ZFHX3: variants seen among roughly 807,000 people sequenced by gnomAD.
ZFHX3 encodes the protein zinc finger homeobox 3.
A neutral mutation model predicts 279.1 loss-of-function variants in ZFHX3; 42 were observed. The ratio of observed to expected loss-of-function variants is 0.15; its 90% CI spans 0.12 to 0.19. ZFHX3 has a LOEUF of 0.19. Among genes scored for constraint, ZFHX3 ranks in the 10% least tolerant of loss-of-function variants. The pLI, the probability that ZFHX3 is intolerant of heterozygous loss-of-function variation, is 1.00. For synonymous variants in ZFHX3, 2,293 were observed against 1,957.8 expected, an observed-to-expected ratio of 1.17 and a Z score of -4.52; for missense variants, 4,981 against 4,754.0, an observed-to-expected ratio of 1.05 and a Z score of -1.40.
intron 4 of ZFHX3, among the ~76,000 whole-genome samples, chr16:72,831,877 T>G (rs2037069376): frequency 6.6e-6 from 1 of 152,204 alleles, no homozygotes. Context: ...ATTGGAACAC[T>G]AAGCTTGTAG....
At chr16:72,842,020 G>A (rs2037356198) in intron 4 of ZFHX3, among the ~76,000 whole-genome samples, 2 of 152,082 alleles carry the variant, frequency 1.3e-5, no homozygotes, top group Admixed American at 1.3e-4. Flanking sequence ...ACAAAGAGTT[G>A]GTACTTGACA....
chr16:73,149,194 T>C (rs11861144), intron 5 of ZFHX3, among the ~76,000 whole-genome samples: 6,105 of 147,902 alleles, frequency 0.041, 395 homozygotes, highest in African/African-American at 0.14. Flanking sequence ...TATTTTACTT[T>C]ATATTATATT....
intron 7 of ZFHX3, among the ~76,000 whole-genome samples, chr16:73,107,555 G>T (rs1238426928): frequency 6.6e-6 from 1 of 152,160 alleles, no homozygotes; most frequent in African/African-American, 2.4e-5. Context: ...ACCCAACAAG[G>T]TTGAGAATTC....
intron 1 of ZFHX3, among the ~76,000 whole-genome samples, chr16:73,702,741 T>A (rs569733371): frequency 1.3e-5 from 2 of 152,272 alleles, no homozygotes; most frequent in South Asian, 4.2e-4. Context: ...GAAAATTCAA[T>A]TGAATTTTCT....
At chr16:73,645,865 T>C (rs1396746370) in intron 2 of ZFHX3, among the ~76,000 whole-genome samples, 1 of 152,196 alleles carries the variant, frequency 6.6e-6, no homozygotes, top group Non-Finnish European at 1.5e-5. Context: ...CTTAATCTTA[T>C]CAGCCTTGGA....
intron 1 of ZFHX3, among the ~76,000 whole-genome samples, chr16:72,974,286 G>C (rs1962244659): frequency 6.6e-6 from 1 of 152,224 alleles, no homozygotes; most frequent in Non-Finnish European, 1.5e-5. Context: ...ATTCAACGTT[G>C]CTGGACAGAG....
intron 2 of ZFHX3, among the ~76,000 whole-genome samples, chr16:73,662,404 A>T (rs1400265096): frequency 6.6e-6 from 1 of 152,174 alleles, no homozygotes; most frequent in Non-Finnish European, 1.5e-5. Context: ...TTAGATGGAT[A>T]TCTCTTACCT....
intron 5 of ZFHX3, chr16:73,231,916 A>G (rs2012786637): frequency 1.3e-5 from 2 of 150,924 alleles, no homozygotes; most frequent in African/African-American, 4.9e-5. Context: ...AAAGACTTCT[A>G]TTTTTTTTTC....
intron 1 of ZFHX3, among the ~76,000 whole-genome samples, chr16:73,711,269 A>T (rs997697905): frequency 1.3e-5 from 2 of 151,986 alleles, no homozygotes; most frequent in African/African-American, 4.8e-5. Flanking sequence ...CCAAAAAAAA[A>T]CCATCCCGTG....
At chr16:73,735,272 G>C (rs1200069074) in intron 1 of ZFHX3, among the ~76,000 whole-genome samples, 1 of 151,288 alleles carries the variant, frequency 6.6e-6, no homozygotes, top group African/African-American at 2.4e-5. Context: ...GAGTCATAGG[G>C]TTATGAGTCA....
intron 2 of ZFHX3, among the ~76,000 whole-genome samples, chr16:73,592,694 T>C (rs954121845): frequency 3.3e-5 from 5 of 152,154 alleles, no homozygotes; most frequent in Non-Finnish European, 7.3e-5. Flanking sequence ...TTCATTTTAC[T>C]CTTCTTGCTA....
chr16:73,392,418 C>CAAAAAAAAAAAAAAAAAAA (rs35019692), intron 3 of ZFHX3, among the ~76,000 whole-genome samples: 8 of 35,782 alleles, frequency 2.2e-4, no homozygotes, highest in Admixed American at 4.8e-4. Context: ...GACCCTGTCT[C>CAAAAAAAAAAAAAAAAAAA]AAAAAAAAAA....
intron 6 of ZFHX3, among the ~76,000 whole-genome samples, chr16:73,135,821 CCTATTGCCTTATACTAGGCTCA>C (rs1287612351): frequency 7.9e-5 from 12 of 152,128 alleles, no homozygotes; most frequent in Middle Eastern, 3.4e-3. Context: ...CCTACCTCTC[CCTATTGCCTTATACTAGGCTCA>C]CTTCACTTAT....
intron 2 of ZFHX3, among the ~76,000 whole-genome samples, chr16:73,537,739 TCAGGA>T (rs1352878891): frequency 1.3e-5 from 2 of 152,218 alleles, no homozygotes; most frequent in African/African-American, 4.8e-5. Flanking sequence ...AGTTCATTCT[TCAGGA>T]GTCCCATGAA....
intron 1 of ZFHX3, among the ~76,000 whole-genome samples, chr16:73,810,180 A>G (rs1174830189): frequency 6.6e-6 from 1 of 152,180 alleles, no homozygotes; most frequent in Non-Finnish European, 1.5e-5. Context: ...TGACCCTGTT[A>G]ACCCTGAAAA....
chr16:73,524,153 A>T (rs1228374705), intron 2 of ZFHX3, among the ~76,000 whole-genome samples: 1 of 152,174 alleles, frequency 6.6e-6, no homozygotes, highest in Non-Finnish European at 1.5e-5. Flanking sequence ...TCCTTCCACC[A>T]GCCAGTCCAA....
chr16:72,792,395 A>G (rs2035740088), intron 9 of ZFHX3, among the ~76,000 whole-genome samples: 1 of 152,152 alleles, frequency 6.6e-6, no homozygotes, highest in Non-Finnish European at 1.5e-5. Flanking sequence ...AACAGCCACT[A>G]TTGTTCTGGC....
chr16:73,165,435 G>A (rs1967339511), intron 5 of ZFHX3, among the ~76,000 whole-genome samples: 1 of 152,170 alleles, frequency 6.6e-6, no homozygotes, highest in Admixed American at 6.5e-5. Flanking sequence ...TCCACACTCT[G>A]CCTGGGCCCC....
intron 2 of ZFHX3, among the ~76,000 whole-genome samples, chr16:73,672,283 A>T (rs2052911556): frequency 6.6e-6 from 1 of 152,188 alleles, no homozygotes; most frequent in African/African-American, 2.4e-5. Flanking sequence ...GGAACAAGGC[A>T]AGATATACAA....
Sources: gnomAD v4.1 joint callset for allele counts (sites outside exome capture counted in the v4.1 genomes callset) on GRCh38, gnomAD v4.1.1 for gene constraint, MANE v1.5 for transcripts, NCBI Gene and HGNC (gene_info 2026-07-23, HGNC 2026-07-21) for gene names.